The following USP32 variants were observed in gnomAD, a reference collection of about 807,000 sequenced individuals.
The protein encoded by USP32 is ubiquitin specific peptidase 32.
Under a neutral mutation model 204.8 loss-of-function variants are expected in USP32, and 59 were observed. That is an observed-to-expected ratio of 0.29 (90% CI 0.23 to 0.36). The LOEUF (loss-of-function observed/expected upper bound fraction) is 0.36, where lower values mean the gene tolerates loss of function less well. Among genes scored for constraint, USP32 ranks in the 10% least tolerant of loss-of-function variants. The pLI is 1.00. For missense variants in USP32, 1,160 were observed against 1,946.4 expected (o/e 0.60, Z 7.60); for synonymous variants, 517 against 678.4 (o/e 0.76, Z 3.70).
At chr17:60,413,145 C>T (rs1187522931) in intron 1 of USP32, among the ~76,000 whole-genome samples, 5 of 152,086 alleles carry the variant, frequency 3.3e-5, no homozygotes, top group Admixed American at 3.3e-4. Context: ...TTTTTGAAAA[C>T]TATTTTGGGA....
intron 1 of USP32, among the ~76,000 whole-genome samples, chr17:60,387,314 C>T (rs145715720): frequency 4.6e-4 from 70 of 152,290 alleles, no homozygotes; most frequent in African/African-American, 1.4e-3. Context: ...ACTGAATTAT[C>T]AACTGTTACA....
rs575465233 is a variant in USP32, at chr17:60,329,731, C to A, written c.186+15750G>T. Among the ~76,000 whole-genome samples, 6 of 152,302 alleles carry A rather than the reference C, an allele frequency of 3.9e-5. 1 individual carries two copies. In the South Asian group the frequency reaches 1.2e-3, roughly 32 times the overall value. The stretch of plus-strand genomic sequence containing the variant: ...ACCTCAGAATATTACCTACTTATAT[C>A]TGACAGACTGTCAGACCAATAACTA... On this transcript the variant is annotated intron_variant, in intron 2 of 33. Coordinates refer to ENST00000300896, the MANE Select transcript of USP32 (RefSeq NM_032582.4).
chr17:60,358,158 A>T (rs111491865), intron 1 of USP32, among the ~76,000 whole-genome samples: 2 of 152,148 alleles, frequency 1.3e-5, no homozygotes, highest in Non-Finnish European at 2.9e-5. Context: ...TTTTATTGCA[A>T]ATATAGAGTA....
intron 2 of USP32, among the ~76,000 whole-genome samples, chr17:60,304,316 A>C (rs1030614469): frequency 6.6e-6 from 1 of 152,030 alleles, no homozygotes; most frequent in African/African-American, 2.4e-5. Context: ...ACCTGGTGAA[A>C]ATATCTTTCA....
At chr17:60,322,804 T>C (rs1430183242) in intron 2 of USP32, among the ~76,000 whole-genome samples, 2 of 152,142 alleles carry the variant, frequency 1.3e-5, no homozygotes, top group East Asian at 3.8e-4. Flanking sequence ...CTAAAATGGA[T>C]TGAGCCAATT....
chr17:60,323,672 T>C (rs1436918275), intron 2 of USP32, among the ~76,000 whole-genome samples: 5 of 152,202 alleles, frequency 3.3e-5, no homozygotes, highest in African/African-American at 1.2e-4. Context: ...AGCAAAGAAC[T>C]GGTGTATGTA....
At position 60,328,909 on chromosome 17, in the gene USP32, A is replaced by ACTCTAG. The variant is rs143458546; in HGVS notation, c.186+16566_186+16571dup. ...CTTGACTGCACACTGGCTGTACCCC[A>ACTCTAG]CTCTAGCTCACACACCCCTCCCCAG... is the stretch of plus-strand genomic sequence containing the variant. On this transcript the variant is annotated intron_variant, in intron 2 of 33. Coordinates refer to ENST00000300896, the MANE Select transcript of USP32 (RefSeq NM_032582.4). 9.5e-3 allele frequency among the ~76,000 whole-genome samples: 1,438 copies of ACTCTAG among 151,836 alleles called. 33 individuals are homozygous for ACTCTAG. Among genetic ancestry groups the ACTCTAG allele is most frequent in the African/African-American group, 0.033 (1,382 of 41,380 alleles).
chr17:60,253,532 G>A (rs2086219923), intron 10 of USP32, among the ~76,000 whole-genome samples: 1 of 152,076 alleles, frequency 6.6e-6, no homozygotes, highest in Admixed American at 6.6e-5. Flanking sequence ...TTGGGAGGCT[G>A]AGGCGGGCAG....
chr17:60,384,815 A>G (rs1294140245), intron 1 of USP32, among the ~76,000 whole-genome samples: 2 of 151,970 alleles, frequency 1.3e-5, no homozygotes, highest in Non-Finnish European at 2.9e-5. Context: ...AATCCCTAAA[A>G]TAAAGAGCCT....
At chr17:60,206,820 C>T (rs995903385) in intron 25 of USP32, among the ~76,000 whole-genome samples, 34 of 152,130 alleles carry the variant, frequency 2.2e-4, no homozygotes, top group African/African-American at 7.5e-4. Flanking sequence ...CTAACGACTA[C>T]CTATCTAACT....
chr17:60,228,507 T>C (rs533278678), intron 12 of USP32, among the ~76,000 whole-genome samples: 79 of 149,252 alleles, frequency 5.3e-4, no homozygotes, highest in Non-Finnish European at 8.7e-4. Context: ...TTTTCTTTTT[T>C]TTTTTTTTTT....
intron 11 of USP32, 84 bp from the exon 12 acceptor site, chr17:60,236,324 A>G: frequency 8.6e-7 from 1 of 1,168,216 alleles, no homozygotes; most frequent in Non-Finnish European, 1.3e-6. Flanking sequence ...GAAGTTTTAT[A>G]AGGAAAACCG....
chr17:60,256,574 T>C (rs1302151164), intron 9 of USP32: 2 of 524,178 alleles, frequency 3.8e-6, no homozygotes, highest in Admixed American at 6.3e-5. Context: ...ATTCTTTCCA[T>C]GTCTGCATGA....
At chr17:60,413,876 G>GAAAAAAA (rs753405307) in intron 1 of USP32, among the ~76,000 whole-genome samples, 3 of 95,102 alleles carry the variant, frequency 3.2e-5, no homozygotes, top group Admixed American at 1.2e-4. Context: ...AAAAAAAAAA[G>GAAAAAAA]AAAAAAAAAA....
At chr17:60,258,485 T>C (rs2086371941) in intron 9 of USP32, 1 of 157,206 alleles carries the variant, frequency 6.4e-6, no homozygotes, top group Non-Finnish European at 1.5e-5. Context: ...TTGGATCCCT[T>C]TGACCAATCT....
intron 16 of USP32, among the ~76,000 whole-genome samples, chr17:60,215,325 G>A (rs1411893737): frequency 6.6e-6 from 1 of 152,016 alleles, no homozygotes; most frequent in Admixed American, 6.6e-5. Flanking sequence ...GATGAGCAAA[G>A]GCCCAAGGCC....
chr17:60,407,896 G>A (rs913581980), intron 1 of USP32, among the ~76,000 whole-genome samples: 2 of 151,468 alleles, frequency 1.3e-5, no homozygotes, highest in African/African-American at 2.4e-5. Flanking sequence ...TCAGGAGTTC[G>A]AGACCAGCCT....
chr17:60,326,163 AG>A (rs1335765530), intron 2 of USP32, among the ~76,000 whole-genome samples: 2 of 139,572 alleles, frequency 1.4e-5, no homozygotes, highest in East Asian at 1.9e-4. Flanking sequence ...TGATAAAATA[AG>A]TAAATAAGTA....
At chr17:60,212,533 C>G (rs1429497116) in intron 18 of USP32, among the ~76,000 whole-genome samples, 2 of 151,860 alleles carry the variant, frequency 1.3e-5, no homozygotes, top group East Asian at 3.9e-4. Context: ...CTTTTTGCAG[C>G]ACATGCCTGT....
Sources: gnomAD v4.1 joint callset for allele counts (sites outside exome capture counted in the v4.1 genomes callset) on GRCh38, gnomAD v4.1.1 for gene constraint, MANE v1.5 for transcripts, NCBI Gene and HGNC (gene_info 2026-07-23, HGNC 2026-07-21) for gene names.